The following NOL6 variants were observed in gnomAD, a reference collection of about 807,000 sequenced individuals.
NOL6 encodes nucleolar RNA-associated protein.
Under a neutral mutation model 131.7 loss-of-function variants are expected in NOL6, and 33 were observed. The ratio of observed to expected loss-of-function variants is 0.25; its 90% CI spans 0.19 to 0.33. NOL6 has a LOEUF of 0.33. Ranked by LOEUF, NOL6 falls within the 10% of genes least tolerant of loss-of-function variation. The probability of loss-of-function intolerance (pLI) is 1.00; values close to 1 mark genes in which losing one functional copy is unlikely to be tolerated. For synonymous variants in NOL6, 580 were observed against 605.7 expected (o/e 0.96, Z 0.62); for missense variants, 1,297 against 1,494.5 (o/e 0.87, Z 2.18).
At position 33,467,149 on chromosome 9, in the gene NOL6, A is replaced by C; in HGVS notation, c.1839T>G (p.Leu613=). The part of the protein sequence containing the change: ...WEAASMSQKR[L]IPHQVVTHLL... ...GGTGGGTGACCACCTGGTGGGGAAT[A>C]AGGCGCTTCTGGGACATAGAGGCTG... Residue 613 remains leucine, a synonymous_variant, in exon 14 of 26, where the codon CTT becomes CTG. Coordinates refer to ENST00000297990, the MANE Select transcript of NOL6 (RefSeq NM_022917.5). This position sits in a 1 kb window ranked among gnomAD's most constrained non-coding sequence, Gnocchi z 4.4. 6.2e-6 allele frequency: 10 copies of C among 1,614,166 alleles called. No homozygotes were observed. The highest frequency in any genetic ancestry group is 8.5e-6 in the Non-Finnish European group (10 of 1,180,030).
In NOL6 at chr9:33,462,589, A is replaced by T; in HGVS notation, c.*75T>A. 3 of 1,528,380 alleles carry T rather than the reference A, an allele frequency of 2.0e-6. No individual in the cohort carries two copies. The highest frequency in any genetic ancestry group is 2.7e-6 in the Non-Finnish European group (3 of 1,113,406). The allele number at this position is 1,528,380 out of a possible 1,614,324, so 94.7% of individuals were successfully genotyped here. A position where few individuals can be genotyped will look rare whatever the true frequency, so the allele number is the denominator to read the frequency against. On this transcript the variant is annotated 3_prime_UTR_variant, in exon 26 of 26. Transcript: ENST00000297990. ...GAGGATTCATGTCCAAGGAGGGTGG[A>T]GGTCATCCTACTGACATCTTGCTCT...
rs745377174 is a variant in NOL6 at position 33,470,232 on chromosome 9, C to G, written c.379-41G>C. The G allele has an allele frequency of 3.1e-5, 45 of 1,465,268 alleles. 1 individual carries two copies. In the South Asian group the frequency reaches 6.1e-4, roughly 20 times the overall value. The allele number at this position is 1,465,268 out of a possible 1,614,324, so 90.8% of individuals were successfully genotyped here. On this transcript the variant is annotated intron_variant, in intron 3 of 25. Coordinates refer to ENST00000297990, the MANE Select transcript of NOL6 (RefSeq NM_022917.5). ...CAGGGACACATACTGATTCAACTGCCTTCCTCACATGTACCCTTTATGTCT... is the reference window on the plus strand; with the variant it reads ...CAGGGACACATACTGATTCAACTGCGTTCCTCACATGTACCCTTTATGTCT...
At chr9:33,469,464 C>T in intron 5 of NOL6, 35 bp downstream of exon 5, 1 of 1,591,926 alleles carries the variant, frequency 6.3e-7, no homozygotes, top group Non-Finnish European at 8.6e-7. Flanking sequence ...TTTACCATCC[C>T]ATGCTATGCC....
rs1563880699 is a variant in NOL6 at position 33,469,646 on chromosome 9, C to T, written c.580G>A (p.Gly194Arg). Residue 194 changes from glycine (G) to arginine (R), a missense_variant, in exon 5 of 26, where the codon GGG becomes AGG. By Grantham distance (125) the Gly-to-Arg change is moderately radical (BLOSUM62 -2). Coordinates refer to ENST00000297990, the MANE Select transcript of NOL6 (RefSeq NM_022917.5). ...TTGCGGAAGTAGCGCTGGTTCAGCC[C>T]GTCCTTGTCCTGTAGGATTTCCTGG... ...MPREILQDKDGLNQRYFRKRA... is the reference protein window; with the variant it reads ...MPREILQDKDRLNQRYFRKRA... The T allele has an allele frequency of 9.3e-6, 15 of 1,611,532 alleles. No individual in the cohort carries two copies. The highest frequency in any genetic ancestry group is 2.2e-5 in the South Asian group (2 of 90,744).
intron 19 of NOL6, 69 bp from the exon 20 acceptor site, chr9:33,465,428 A>C: frequency 2.0e-6 from 3 of 1,494,302 alleles, no homozygotes; most frequent in Non-Finnish European, 1.8e-6. Flanking sequence ...GCCCCTACCC[A>C]AGGCCAGCCT....
rs1185805460 is a variant in NOL6 at position 33,473,833 on chromosome 9, C to T, written c.10G>A (p.Ala4Thr). 1 of 1,611,244 alleles carries T rather than the reference C, an allele frequency of 6.2e-7. No homozygotes were observed. Among genetic ancestry groups the T allele is most frequent in the African/African-American group, 1.3e-5 (1 of 74,932 alleles). The change falls in exon 1 of 26, where the codon GCG becomes ACG. Residue 4 changes from alanine to threonine, a missense_variant. Coordinates refer to ENST00000297990, the MANE Select transcript of NOL6 (RefSeq NM_022917.5). ...CCGCGAAGCTGCTCTCCAGCTGGCG[C>T]CGGCCCCATCACTCAGGGTCCAGCA... MGPAPAGEQLRGAT... is the reference protein window; with the variant it reads MGPTPAGEQLRGAT...
rs751211610 is a variant in NOL6 at position 33,468,314 on chromosome 9, T to C, written c.1308+7A>G. On this transcript the variant is annotated splice_region_variant and intron_variant, in intron 10 of 25. Transcript: ENST00000297990. Reference sequence around the variant, plus strand: ...CAGGGGAACACAGATTGGGGGCCCATTGGTACCTGGTGGTAAGTAGAGGCA... The same window carrying C: ...CAGGGGAACACAGATTGGGGGCCCACTGGTACCTGGTGGTAAGTAGAGGCA... 11 of 1,613,414 alleles carry C rather than the reference T, an allele frequency of 6.8e-6. 1 individual carries two copies. Among genetic ancestry groups the C allele is most frequent in the African/African-American group, 1.3e-5 (1 of 74,992 alleles).
At position 33,463,117 on chromosome 9, in the gene NOL6, C is replaced by G; in HGVS notation, c.3207G>C (p.Leu1069=). The G allele has an allele frequency of 3.7e-6, 6 of 1,613,576 alleles. No homozygotes were observed. The highest frequency in any genetic ancestry group is 5.1e-6 in the Non-Finnish European group (6 of 1,179,728). The change falls in exon 25 of 26, where the codon CTG becomes CTC. Residue 1069 remains leucine, a synonymous_variant. Transcript: ENST00000297990. ...LTQLREAFGD[L]ALFFYDQHGG... ...CATGCTGGTCATAGAAGAAAAGGGC[C>G]AGATCCCCAAAGGCCTCCTAGAAAG...
chr9:33,468,426 G>T lies in NOL6; in HGVS notation c.1207-4C>A, dbSNP rs767734149. ...GGTGGAAGTCAGCCAGGGCCGGCTT[G>T]GGGGGTGTAGAGAGAAGCAGGTCAG... On this transcript the variant is annotated splice_polypyrimidine_tract_variant and splice_region_variant and intron_variant, in intron 9 of 25. Transcript: ENST00000297990. 1.2e-6 allele frequency: 2 copies of T among 1,613,774 alleles called. No homozygotes were observed. The highest frequency in any genetic ancestry group is 8.5e-7 in the Non-Finnish European group (1 of 1,179,840).
In NOL6 at chr9:33,466,670, G is replaced by T; in HGVS notation, c.1990C>A (p.Arg664Ser). 3.1e-6 allele frequency: 5 copies of T among 1,613,862 alleles called. No homozygotes were observed. The highest frequency in any genetic ancestry group is 4.2e-6 in the Non-Finnish European group (5 of 1,179,988). Residue 664 changes from arginine (R) to serine (S), a missense_variant, in exon 16 of 26, where the codon CGT becomes AGT. Physicochemically the swap from Arg to Ser is moderately radical, Grantham distance 110 (BLOSUM62 -1). Coordinates refer to ENST00000297990, the MANE Select transcript of NOL6 (RefSeq NM_022917.5). The stretch of plus-strand genomic sequence containing the variant: ...AGGCGACTGAGGTCGTCGTAGCAAC[G>T]TACCGCCGCTACCAGGGCCTCCTCA... The part of the protein sequence containing the change: ...TGEEALVAAV[R>S]CYDDLSRLLW...
chr9:33,465,464 T>C, intron 19 of NOL6, 105 bp from the exon 20 acceptor site: 12 of 1,263,398 alleles, frequency 9.5e-6, no homozygotes, highest in Non-Finnish European at 1.3e-5. Flanking sequence ...ACATATGTAA[T>C]CTCATATTCT....
Position 33,466,178 on chromosome 9 carries a change from C to G in NOL6, c.2257G>C (p.Ala753Pro). Residue 753 changes from alanine (A) to proline (P), a missense_variant, in exon 18 of 26, where the codon GCC becomes CCC. Coordinates refer to ENST00000297990, the MANE Select transcript of NOL6 (RefSeq NM_022917.5). ...AAGGCAGCTCGGACCCGCTGCACGGCCTCAGCGTCCTGTGGCCACTGGCCA... is the reference window on the plus strand; with the variant it reads ...AAGGCAGCTCGGACCCGCTGCACGGGCTCAGCGTCCTGTGGCCACTGGCCA... ...GSGQWPQDAE[A>P]VQRVRAAFQL... 1.2e-6 allele frequency: 2 copies of G among 1,613,008 alleles called. No individual in the cohort carries two copies. Among genetic ancestry groups the G allele is most frequent in the Non-Finnish European group, 1.7e-6 (2 of 1,179,654 alleles).
At position 33,472,125 on chromosome 9, in the gene NOL6, AAG is replaced by A; in HGVS notation, c.262-7_262-6del. 1 of 1,612,890 alleles carries A rather than the reference AAG, an allele frequency of 6.2e-7. No homozygotes were observed. Among genetic ancestry groups the A allele is most frequent in the Non-Finnish European group, 8.5e-7 (1 of 1,178,836 alleles). ...TTCCTTTAGTAGCTCCTCTACCTGTAAGAGAGGGTAGAAGACAGTCCATCAGC... is the reference window on the plus strand; with the variant it reads ...TTCCTTTAGTAGCTCCTCTACCTGTAAGAGGGTAGAAGACAGTCCATCAGC... On this transcript the variant is annotated splice_region_variant and splice_polypyrimidine_tract_variant and intron_variant, in intron 2 of 25. Transcript: ENST00000297990.
At position 33,465,028 on chromosome 9, in the gene NOL6, G is replaced by A. The variant is rs758495268; in HGVS notation, c.2682-52C>T. Reference sequence around the variant, plus strand: ...CCAGGGCCCAGCCACATATCCCCAGGCTTCTCTCAGGCTATGGAGCTCAGA... The same window carrying A: ...CCAGGGCCCAGCCACATATCCCCAGACTTCTCTCAGGCTATGGAGCTCAGA... On this transcript the variant is annotated intron_variant, in intron 20 of 25. Transcript: ENST00000297990. 5 of 1,519,718 alleles carry A rather than the reference G, an allele frequency of 3.3e-6. No homozygotes were observed. The East Asian group carries it at 1.1e-4, about 34-fold the overall frequency. The allele number at this position is 1,519,718 out of a possible 1,614,324, so 94.1% of individuals were successfully genotyped here.
chr9:33,467,249 C>T lies in NOL6; in HGVS notation c.1739G>A (p.Arg580His). ...CTCCGAGCGGGATCCCCAGAACTGG[C>T]GGAATTTAGCAGCCTGAGGAGGCAA... ...EADQPEAAKF[R>H]QFWGSRSELR... Residue 580 changes from arginine to histidine, a missense_variant, in exon 14 of 26, where the codon CGC becomes CAC. Arg to His is a conservative substitution (Grantham distance 29). Coordinates refer to ENST00000297990, the MANE Select transcript of NOL6 (RefSeq NM_022917.5). This position sits in a 1 kb window ranked among gnomAD's most constrained non-coding sequence, Gnocchi z 4.4. The T allele has an allele frequency of 1.9e-6, 3 of 1,614,026 alleles. No individual in the cohort carries two copies. Among genetic ancestry groups the T allele is most frequent in the South Asian group, 1.1e-5 (1 of 91,072 alleles).
intron 7 of NOL6, 32 bp from the exon 8 acceptor site, chr9:33,468,904 G>A (rs1827328166): frequency 6.2e-7 from 1 of 1,614,066 alleles, no homozygotes; most frequent in Non-Finnish European, 8.5e-7. Context: ...TGAGGTCAGA[G>A]CCTGCCCATC....
Position 33,473,895 on chromosome 9 carries a change from T to G in NOL6, c.-53A>C, listed in dbSNP as rs2777744. 0.64 allele frequency: 1,016,447 copies of G among 1,598,204 alleles called. 324,917 individuals are homozygous for G. The highest frequency in any genetic ancestry group is 0.71 in the Admixed American group (42,267 of 59,300). On this transcript the variant is annotated 5_prime_UTR_variant, in exon 1 of 26. Coordinates refer to ENST00000297990, the MANE Select transcript of NOL6 (RefSeq NM_022917.5). ...TTCAGATTCTAGCCGGGTCTATACC[T>G]CATAGCTTCCCACGTGGGCGGAAAT... is the stretch of plus-strand genomic sequence containing the variant.
rs1827107748 is a variant in NOL6, at chr9:33,462,059, G to A, written c.*605C>T. ...ACCTACCCAATCCTTTCCTGTCCTC[G>A]GTTCTTTTCCACTGTCTCCACCCTG... On this transcript the variant is annotated 3_prime_UTR_variant, in exon 26 of 26. Coordinates refer to ENST00000297990, the MANE Select transcript of NOL6 (RefSeq NM_022917.5). The A allele has an allele frequency of 1.0e-5, 7 of 700,794 alleles. No homozygotes were observed. Among genetic ancestry groups the A allele is most frequent in the African/African-American group, 3.5e-5 (2 of 57,026 alleles). 43.4% of individuals were successfully genotyped at this position (700,794 alleles called of 1,614,324 possible).
chr9:33,465,838 C>T lies in NOL6; in HGVS notation c.2424G>A (p.Glu808=), dbSNP rs1366409309. The T allele has an allele frequency of 3.7e-6, 6 of 1,614,142 alleles. No individual in the cohort carries two copies. The highest frequency in any genetic ancestry group is 4.2e-6 in the Non-Finnish European group (5 of 1,180,018). The change falls in exon 19 of 26, where the codon GAG becomes GAA. Residue 808 remains glutamate, a synonymous_variant. Transcript: ENST00000297990. ...AGATCATCCCCTCTGGGCTCTGCAC[C>T]TCCTTCAGGATCTGGGGCTCCCGCT... ...AYQREPQILK[E]VQSPEGMISL...
Sources: allele counts gnomAD v4.1 joint callset, GRCh38; gene constraint gnomAD v4.1.1; non-coding constraint Gnocchi (gnomAD v3.1); transcripts MANE v1.5; gene names NCBI Gene and HGNC (gene_info 2026-07-23, HGNC 2026-07-21).